The following ARK2C variants were observed in gnomAD, a reference collection of about 807,000 sequenced individuals.
The protein encoded by ARK2C is arkadia (RNF111) C-terminal like ring finger ubiquitin ligase 2C, also known as E3 ubiquitin-protein ligase ARK2C.
the ARK2C span, among the ~76,000 whole-genome samples, chr18:46,445,556 C>A: frequency 2.0e-5 from 3 of 152,212 alleles, no homozygotes; most frequent in East Asian, 5.8e-4. Flanking sequence ...TATGTAGCTG[C>A]CTCTTCTCTC....
chr18:46,384,363 G>C, the ARK2C span, among the ~76,000 whole-genome samples: 2 of 152,192 alleles, frequency 1.3e-5, no homozygotes, highest in South Asian at 2.1e-4. Context: ...GTGTGGGGGG[G>C]ATTCTTGATA....
At chr18:46,410,003 A>G in the ARK2C span, among the ~76,000 whole-genome samples, 1 of 152,170 alleles carries the variant, frequency 6.6e-6, no homozygotes, top group Non-Finnish European at 1.5e-5. Context: ...GATTTTCATG[A>G]TCTTGCCAAA....
chr18:46,393,806 G>T, the ARK2C span, among the ~76,000 whole-genome samples: 1 of 152,236 alleles, frequency 6.6e-6, no homozygotes, highest in Non-Finnish European at 1.5e-5. Flanking sequence ...GGTCATGAGC[G>T]CTGGTCTTGC....
At chr18:46,361,761 C>T in the ARK2C span, among the ~76,000 whole-genome samples, 1 of 152,242 alleles carries the variant, frequency 6.6e-6, no homozygotes, top group Non-Finnish European at 1.5e-5. Flanking sequence ...CCAGGAGCTG[C>T]TGCAGGTCAC....
At chr18:46,419,202 G>A in the ARK2C span, among the ~76,000 whole-genome samples, 1 of 152,172 alleles carries the variant, frequency 6.6e-6, no homozygotes, top group African/African-American at 2.4e-5. Context: ...ACTACAGACG[G>A]CACTGGAGCT....
At chr18:46,448,342 C>T in the ARK2C span, among the ~76,000 whole-genome samples, 1 of 152,140 alleles carries the variant, frequency 6.6e-6, no homozygotes, top group Non-Finnish European at 1.5e-5. Flanking sequence ...CTTCGCAGCT[C>T]CTATTCACAC....
the ARK2C span, among the ~76,000 whole-genome samples, chr18:46,344,814 C>T: frequency 1.3e-5 from 2 of 152,212 alleles, no homozygotes; most frequent in Non-Finnish European, 2.9e-5. Flanking sequence ...GTGTGTGTCC[C>T]CAACCTCTGT....
the ARK2C span, among the ~76,000 whole-genome samples, chr18:46,368,181 A>T: frequency 1.3e-5 from 2 of 152,224 alleles, no homozygotes; most frequent in Non-Finnish European, 1.5e-5. Flanking sequence ...GAGGAAAAAC[A>T]TCCTTTCCAG....
the ARK2C span, among the ~76,000 whole-genome samples, chr18:46,452,772 C>T: frequency 6.6e-6 from 1 of 152,154 alleles, no homozygotes; most frequent in African/African-American, 2.4e-5. Flanking sequence ...TCTTCACTCC[C>T]TCATGAGACC....
chr18:46,394,584 T>C, the ARK2C span, among the ~76,000 whole-genome samples: 2 of 152,198 alleles, frequency 1.3e-5, no homozygotes, highest in Non-Finnish European at 2.9e-5. Context: ...AGAGGGGAAG[T>C]CTCTGCTGAG....
At chr18:46,396,550 T>G in the ARK2C span, among the ~76,000 whole-genome samples, 2 of 152,208 alleles carry the variant, frequency 1.3e-5, no homozygotes, top group Non-Finnish European at 2.9e-5. Context: ...AGATAATAGT[T>G]GGTAAATGTG....
chr18:46,354,225 A>G, the ARK2C span, among the ~76,000 whole-genome samples: 1 of 152,206 alleles, frequency 6.6e-6, no homozygotes, highest in Non-Finnish European at 1.5e-5. Flanking sequence ...GAGACAGGGG[A>G]CACCTCTTGA....
At chr18:46,339,651 AG>A in the ARK2C span, among the ~76,000 whole-genome samples, 1 of 152,236 alleles carries the variant, frequency 6.6e-6, no homozygotes, top group Non-Finnish European at 1.5e-5. Flanking sequence ...CTTTGTAATA[AG>A]ATGGAACACA....
chr18:46,340,419 AT>A, the ARK2C span, among the ~76,000 whole-genome samples: 1 of 152,174 alleles, frequency 6.6e-6, no homozygotes. Flanking sequence ...ATGAGTGTTC[AT>A]TGAATACTTA....
chr18:46,373,107 A>G, the ARK2C span, among the ~76,000 whole-genome samples: 2 of 152,236 alleles, frequency 1.3e-5, no homozygotes, highest in South Asian at 2.1e-4. Context: ...TAACTAGTAA[A>G]TAGAGGGCTC....
the ARK2C span, chr18:46,447,690 A>G: frequency 1.2e-6 from 2 of 1,614,022 alleles, no homozygotes; most frequent in Admixed American, 3.3e-5. Context: ...CTCCACACAG[A>G]TGGTAAGTGA....
the ARK2C span, among the ~76,000 whole-genome samples, chr18:46,445,116 A>G: frequency 6.6e-6 from 1 of 152,156 alleles, no homozygotes; most frequent in Non-Finnish European, 1.5e-5. Context: ...AATGATGAAC[A>G]TCATTTATGA....
At chr18:46,424,693 G>T in the ARK2C span, among the ~76,000 whole-genome samples, 2 of 152,362 alleles carry the variant, frequency 1.3e-5, no homozygotes, top group South Asian at 2.1e-4. Flanking sequence ...GATTTCAGCA[G>T]GTGTGTGGGA....
chr18:46,417,615 C>T, the ARK2C span, among the ~76,000 whole-genome samples: 1 of 152,246 alleles, frequency 6.6e-6, no homozygotes, highest in Non-Finnish European at 1.5e-5. Context: ...TTTTCTTCTT[C>T]CTGCTTCATT....
Sources: allele counts gnomAD v4.1 joint callset (sites outside exome capture counted in the v4.1 genomes callset), GRCh38; gene constraint gnomAD v4.1.1; transcripts MANE v1.5; gene names NCBI Gene and HGNC (gene_info 2026-07-23, HGNC 2026-07-21).